Variants in ACOX2 observed in about 807,000 individuals in gnomAD.
The protein encoded by ACOX2 is peroxisomal acyl-coenzyme A oxidase 2.
In ACOX2, 59 loss-of-function variants were observed where a neutral mutation model predicts 77.5. The observed-to-expected ratio is 0.76, with a 90% confidence interval of 0.62 to 0.95. The LOEUF (loss-of-function observed/expected upper bound fraction) is 0.95. Ranked by LOEUF, ACOX2 falls within the 40% of genes least tolerant of loss-of-function variation. ACOX2 has a pLI of 0.00. For missense variants in ACOX2, 837 were observed against 880.4 expected, an observed-to-expected ratio of 0.95 and a Z score of 0.62; for synonymous variants, 317 against 340.1, an observed-to-expected ratio of 0.93 and a Z score of 0.75.
chr3:58,533,590 G>C lies in ACOX2; in HGVS notation c.476-38C>G. The C allele has an allele frequency of 1.9e-6, 3 of 1,598,628 alleles. No individual in the cohort carries two copies. In the East Asian group the frequency reaches 6.7e-5, roughly 36 times the overall value. On this transcript the variant is annotated intron_variant, in intron 4 of 14. Coordinates refer to ENST00000302819, the MANE Select transcript of ACOX2 (RefSeq NM_003500.4). This position sits in a 1 kb window ranked among gnomAD's most constrained non-coding sequence, Gnocchi z 5.6. ...GAGAGGTGTTAGACATTGGCCTGAG[G>C]TGGGGTTCTTACCTGTGAAGCTGCT...
chr3:58,518,075 C>CAAAAAAAAAAAAAAA (rs763535906), intron 12 of ACOX2, among the ~76,000 whole-genome samples: 12 of 47,694 alleles, frequency 2.5e-4, no homozygotes, highest in African/African-American at 3.1e-4. Context: ...AACTCCATCT[C>CAAAAAAAAAAAAAAA]AAAAAAAAAA....
At chr3:58,509,075 T>TCAAA (rs754205647) in intron 13 of ACOX2, 50 bp from the exon 14 acceptor site, 3 of 1,592,152 alleles carry the variant, frequency 1.9e-6, no homozygotes, top group Non-Finnish European at 2.6e-6. Flanking sequence ...CTCTTATGAA[T>TCAAA]CAAACTAGTC....
intron 5 of ACOX2, among the ~76,000 whole-genome samples, chr3:58,532,391 T>C (rs1324623056): frequency 1.3e-4 from 20 of 152,088 alleles, no homozygotes; most frequent in Admixed American, 1.3e-3. Flanking sequence ...TCTTTCTTTC[T>C]TTCTTTTGTT....
chr3:58,510,653 A>AT lies in ACOX2; in HGVS notation c.1851-1629_1851-1628insA, dbSNP rs1486940227. Among the ~76,000 whole-genome samples the AT allele has an allele frequency of 1.3e-3, 51 of 39,946 alleles. 2 individuals are homozygous for AT. The highest frequency in any genetic ancestry group is 1.8e-3 in the African/African-American group (17 of 9,292). The allele number at this position is 39,946 out of a possible 152,430, so 26.2% of individuals were successfully genotyped here. A position where few individuals can be genotyped will look rare whatever the true frequency, so the allele number is the denominator to read the frequency against. The stretch of plus-strand genomic sequence containing the variant: ...CGCTCAAAAAAAAAAAAAAAAAAAA[A>AT]AAAAAAAAAAATATATATATATATA... On this transcript the variant is annotated intron_variant, in intron 13 of 14. Transcript: ENST00000302819.
Position 58,534,506 on chromosome 3 carries a change from A to G in ACOX2, c.177T>C (p.Ser59=). 1 of 1,614,224 alleles carries G rather than the reference A, an allele frequency of 6.2e-7. No individual in the cohort carries two copies. Among genetic ancestry groups the G allele is most frequent in the Non-Finnish European group, 8.5e-7 (1 of 1,180,034 alleles). ...TGTCCTTACAGCTAAACTCCGGGTA[A>G]CTGTGGATGATGCTCTCTGCAGAGG... ...LRRKVESIIH[S]YPEFSCKDNY... The change falls in exon 3 of 15, where the codon AGT becomes AGC. Residue 59 remains serine, a synonymous_variant. Coordinates refer to ENST00000302819, the MANE Select transcript of ACOX2 (RefSeq NM_003500.4). The surrounding 1 kb of genome is among the most constrained non-coding windows in gnomAD (Gnocchi z 4.8).
intron 9 of ACOX2, among the ~76,000 whole-genome samples, chr3:58,527,534 A>C (rs2063404844): frequency 6.7e-6 from 1 of 149,786 alleles, no homozygotes; most frequent in Non-Finnish European, 1.5e-5. Context: ...AGACTGTCTC[A>C]GGAAAAAAAA....
rs369036973 is a variant in ACOX2 at position 58,531,860 on chromosome 3, G to T, written c.584-48C>A. 6.4e-7 allele frequency: 1 copy of T among 1,568,294 alleles called. No individual in the cohort carries two copies. Among genetic ancestry groups the T allele is most frequent in the East Asian group, 2.3e-5 (1 of 44,048 alleles). On this transcript the variant is annotated intron_variant, in intron 5 of 14. Coordinates refer to ENST00000302819, the MANE Select transcript of ACOX2 (RefSeq NM_003500.4). This position sits in a 1 kb window ranked among gnomAD's most constrained non-coding sequence, Gnocchi z 5.8. ...CCCGTCACAGGAAGACCTGTGCATTGCTTTTCCCAACCAACCCAGCCTCCT... is the reference window on the plus strand; with the variant it reads ...CCCGTCACAGGAAGACCTGTGCATTTCTTTTCCCAACCAACCCAGCCTCCT...
chr3:58,533,377 T>A lies in ACOX2; in HGVS notation c.583+68A>T, dbSNP rs1364197899. The A allele has an allele frequency of 7.0e-7, 1 of 1,428,472 alleles. No homozygotes were observed. The highest frequency in any genetic ancestry group is 1.4e-5 in the African/African-American group (1 of 70,986). 88.5% of individuals were successfully genotyped at this position (1,428,472 alleles called of 1,614,324 possible). ...GAGGTCTGTTGGACCTCAAAGCCAG[T>A]GCTACTCTGCCCTCCAACATTCTTC... On this transcript the variant is annotated intron_variant, in intron 5 of 14. Coordinates refer to ENST00000302819, the MANE Select transcript of ACOX2 (RefSeq NM_003500.4). This position sits in a 1 kb window ranked among gnomAD's most constrained non-coding sequence, Gnocchi z 5.6.
Position 58,519,511 on chromosome 3 carries a change from A to G in ACOX2, c.1633-2088T>C, listed in dbSNP as rs920767015. ...CTGTACTTTCAGGAAGCTGCAGGCA[A>G]TTTAATGAGGCTGAAGTGTGGTGGT... is the stretch of plus-strand genomic sequence containing the variant. On this transcript the variant is annotated intron_variant, in intron 12 of 14. Coordinates refer to ENST00000302819, the MANE Select transcript of ACOX2 (RefSeq NM_003500.4). This position sits in a 1 kb window ranked among gnomAD's most constrained non-coding sequence, Gnocchi z 5.0. Among the ~76,000 whole-genome samples, 1 of 152,146 alleles carries G rather than the reference A, an allele frequency of 6.6e-6. No homozygotes were observed. The highest frequency in any genetic ancestry group is 2.4e-5 in the African/African-American group (1 of 41,426).
In ACOX2 at chr3:58,506,360, A is replaced by G. The variant is rs1275140777; in HGVS notation, c.1984-1074T>C. On this transcript the variant is annotated intron_variant, in intron 14 of 14. Coordinates refer to ENST00000302819, the MANE Select transcript of ACOX2 (RefSeq NM_003500.4). ...GGAATAAAGCTCAACGCTGCCCCAGACAGAAGAGAGCTTCTCCTATGATTC... is the reference window on the plus strand; with the variant it reads ...GGAATAAAGCTCAACGCTGCCCCAGGCAGAAGAGAGCTTCTCCTATGATTC... Among the ~76,000 whole-genome samples, 5 of 152,224 alleles carry G rather than the reference A, an allele frequency of 3.3e-5. No individual in the cohort carries two copies. In the East Asian group the frequency reaches 5.8e-4, roughly 18 times the overall value.
intron 12 of ACOX2, among the ~76,000 whole-genome samples, chr3:58,518,919 C>T (rs1475698640): frequency 6.6e-6 from 1 of 151,756 alleles, no homozygotes; most frequent in African/African-American, 2.4e-5. Context: ...GGATTACAGG[C>T]GTGAGCCTCT....
At chr3:58,513,637 T>A (rs1006770828) in intron 13 of ACOX2, among the ~76,000 whole-genome samples, 1 of 152,200 alleles carries the variant, frequency 6.6e-6, no homozygotes, top group African/African-American at 2.4e-5. Context: ...ATCACTGTTT[T>A]TTTTTTTTAA....
rs767919668 is a variant in ACOX2, at chr3:58,534,001, C to T, written c.468G>A (p.Leu156=). ...QIIATYAQTE[L]GHGTYLQGLE... ...GCAGCAGTCCTAGCTCACCATGTCC[C>T]AACTCTGTCTGTGCATACGTTGCGA... Residue 156 remains leucine (L), a synonymous_variant, in exon 4 of 15, where the codon TTG becomes TTA. Transcript: ENST00000302819. The surrounding 1 kb of genome is among the most constrained non-coding windows in gnomAD (Gnocchi z 4.8). 11 of 1,613,936 alleles carry T rather than the reference C, an allele frequency of 6.8e-6. No homozygotes were observed. Among genetic ancestry groups the T allele is most frequent in the African/African-American group, 1.3e-5 (1 of 74,916 alleles).
At position 58,533,144 on chromosome 3, in the gene ACOX2, G is replaced by A. The variant is rs1468717201; in HGVS notation, c.583+301C>T. Among the ~76,000 whole-genome samples, 1 of 152,014 alleles carries A rather than the reference G, an allele frequency of 6.6e-6. No homozygotes were observed. The highest frequency in any genetic ancestry group is 1.5e-5 in the Non-Finnish European group (1 of 67,894). ...TGAGGAGTGCCTAGGACTAGACCAAGTGTGTGTGTTTGTGCGTGTGTGTGT... is the reference window on the plus strand; with the variant it reads ...TGAGGAGTGCCTAGGACTAGACCAAATGTGTGTGTTTGTGCGTGTGTGTGT... On this transcript the variant is annotated intron_variant, in intron 5 of 14. Transcript: ENST00000302819. The surrounding 1 kb of genome is among the most constrained non-coding windows in gnomAD (Gnocchi z 5.6).
In ACOX2 at chr3:58,531,902, A is replaced by G. The variant is rs2063443281; in HGVS notation, c.584-90T>C. Reference sequence around the variant, plus strand: ...CAGCCTCCTGGGGCTGGGGTTTTGGATGGGTACCTCTGGGGCCCTGAAAAG... The same window carrying G: ...CAGCCTCCTGGGGCTGGGGTTTTGGGTGGGTACCTCTGGGGCCCTGAAAAG... On this transcript the variant is annotated intron_variant, in intron 5 of 14. Transcript: ENST00000302819. The surrounding 1 kb of genome is among the most constrained non-coding windows in gnomAD (Gnocchi z 5.8). The G allele has an allele frequency of 6.8e-7, 1 of 1,472,772 alleles. No homozygotes were observed. Among genetic ancestry groups the G allele is most frequent in the Admixed American group, 2.5e-5 (1 of 40,648 alleles). 91.2% of individuals were successfully genotyped at this position (1,472,772 alleles called of 1,614,324 possible).
intron 9 of ACOX2, among the ~76,000 whole-genome samples, chr3:58,527,394 G>A (rs113395855): frequency 0.12 from 17,907 of 151,978 alleles, 1,784 homozygotes; most frequent in African/African-American, 0.26. Context: ...AAATTAGCTG[G>A]GCGTGGTGGC....
At chr3:58,529,026 A>G in intron 8 of ACOX2, 70 bp from the exon 9 acceptor site, 1 of 1,452,956 alleles carries the variant, frequency 6.9e-7, no homozygotes, top group Non-Finnish European at 9.2e-7. Context: ...CCCCGACACC[A>G]TAAAAACCTT....
Position 58,534,489 on chromosome 3 carries a change from C to G in ACOX2, c.194G>C (p.Cys65Ser). Residue 65 changes from cysteine to serine, a missense_variant, in exon 3 of 15, where the codon TGT becomes TCT. Cys to Ser is a moderately radical substitution (Grantham distance 112). Coordinates refer to ENST00000302819, the MANE Select transcript of ACOX2 (RefSeq NM_003500.4). The surrounding 1 kb of genome is among the most constrained non-coding windows in gnomAD (Gnocchi z 4.8). ...SIIHSYPEFS[C>S]KDNYFMTQNE... ...CTGGGTCATGAAATAATTGTCCTTA[C>G]AGCTAAACTCCGGGTAACTGTGGAT... The G allele has an allele frequency of 6.2e-7, 1 of 1,614,218 alleles. No homozygotes were observed. The highest frequency in any genetic ancestry group is 8.5e-7 in the Non-Finnish European group (1 of 1,180,046).
At chr3:58,508,539 A>G (rs1476338705) in intron 14 of ACOX2, among the ~76,000 whole-genome samples, 1 of 152,190 alleles carries the variant, frequency 6.6e-6, no homozygotes, top group African/African-American at 2.4e-5. Flanking sequence ...TGGTTCAATT[A>G]CCGCAGTGAT....
Sources: gnomAD v4.1 joint callset for allele counts (sites outside exome capture counted in the v4.1 genomes callset) on GRCh38, gnomAD v4.1.1 for gene constraint, Gnocchi (gnomAD v3.1) non-coding constraint, MANE v1.5 for transcripts, NCBI Gene and HGNC (gene_info 2026-07-23, HGNC 2026-07-21) for gene names.